PTPRT: variants seen among roughly 807,000 people sequenced by gnomAD.
PTPRT encodes receptor-type tyrosine-protein phosphatase T.
A neutral mutation model predicts 176.8 loss-of-function variants in PTPRT; 56 were observed. The ratio of observed to expected loss-of-function variants is 0.32; its 90% CI spans 0.26 to 0.40. PTPRT has a LOEUF of 0.40. PTPRT is among the 10% of genes least tolerant of loss of function. PTPRT has a pLI of 1.00. For missense variants in PTPRT, 1,540 were observed against 1,908.2 expected, an observed-to-expected ratio of 0.81 and a Z score of 3.60; for synonymous variants, 783 against 739.0, an observed-to-expected ratio of 1.06 and a Z score of -0.96.
intron 6 of PTPRT, among the ~76,000 whole-genome samples, chr20:42,691,168 A>T (rs990158852): frequency 2.6e-5 from 4 of 152,218 alleles, no homozygotes; most frequent in African/African-American, 9.6e-5. Flanking sequence ...CAGGACAGGC[A>T]ACTCACTTTC....
intron 1 of PTPRT, among the ~76,000 whole-genome samples, chr20:42,981,721 G>A (rs1983288378): frequency 6.6e-6 from 1 of 152,148 alleles, no homozygotes; most frequent in Non-Finnish European, 1.5e-5. Flanking sequence ...ACCACCTACT[G>A]GACACGCATG....
chr20:42,069,191 G>T (rs752164772), downstream of PTPRT, among the ~76,000 whole-genome samples: 1 of 152,146 alleles, frequency 6.6e-6, no homozygotes, highest in Non-Finnish European at 1.5e-5. Flanking sequence ...CCTTCATTTT[G>T]GTCCTTCAGT....
At chr20:42,354,839 T>A (rs534083359) in intron 9 of PTPRT, among the ~76,000 whole-genome samples, 2 of 152,182 alleles carry the variant, frequency 1.3e-5, no homozygotes, top group East Asian at 3.9e-4. Context: ...TAAACAGTAG[T>A]GGTGCCGCAT....
At chr20:42,639,888 A>T (rs2074699011) in intron 7 of PTPRT, among the ~76,000 whole-genome samples, 1 of 152,038 alleles carries the variant, frequency 6.6e-6, no homozygotes, top group African/African-American at 2.4e-5. Flanking sequence ...GTCCGTCAGC[A>T]TTTCAAATTG....
chr20:43,042,287 C>T (rs1304120363), intron 1 of PTPRT, among the ~76,000 whole-genome samples: 1 of 152,178 alleles, frequency 6.6e-6, no homozygotes, highest in African/African-American at 2.4e-5. Flanking sequence ...AATGCAGAGG[C>T]TCTGCAAAGC....
chr20:42,602,871 C>A (rs1300530898), intron 7 of PTPRT, among the ~76,000 whole-genome samples: 1 of 152,106 alleles, frequency 6.6e-6, no homozygotes, highest in African/African-American at 2.4e-5. Flanking sequence ...ATCTTAACTT[C>A]CTCATTTGTA....
chr20:42,649,694 T>C (rs1356704268), intron 7 of PTPRT, among the ~76,000 whole-genome samples: 1 of 152,204 alleles, frequency 6.6e-6, no homozygotes, highest in Non-Finnish European at 1.5e-5. Context: ...GCCCCTAAGT[T>C]ATGCTTGATT....
intron 9 of PTPRT, among the ~76,000 whole-genome samples, chr20:42,442,288 A>T (rs986383898): frequency 4.6e-5 from 7 of 151,998 alleles, no homozygotes; most frequent in Admixed American, 1.3e-4. Context: ...TGGCTTGTTG[A>T]TTCCTGGGGC....
At chr20:42,245,828 C>T (rs6030085) in intron 14 of PTPRT, among the ~76,000 whole-genome samples, 90,055 of 151,750 alleles carry the variant, frequency 0.59, 27,219 homozygotes, top group African/African-American at 0.67. Flanking sequence ...TTTGAGTCAG[C>T]TGAATCTATT....
In PTPRT at chr20:42,248,841, G is replaced by A. The variant is rs1189157704; in HGVS notation, c.2177-19C>T. The A allele has an allele frequency of 1.9e-6, 3 of 1,611,136 alleles. No homozygotes were observed. Among genetic ancestry groups the A allele is most frequent in the Admixed American group, 3.3e-5 (2 of 59,984 alleles). ...GAGGCACCTAGGAAGGGAAAGGGAA[G>A]GATAGCAATGTTGAAAGCACCCAAA... On this transcript the variant is annotated intron_variant, in intron 13 of 30. Coordinates refer to ENST00000373187, the MANE Select transcript of PTPRT (RefSeq NM_007050.6).
rs959734785 is a variant in PTPRT at position 42,510,966 on chromosome 20, C to T, written c.1154-38404G>A. Among the ~76,000 whole-genome samples, 7 of 152,094 alleles carry T rather than the reference C, an allele frequency of 4.6e-5. No homozygotes were observed. In the South Asian group the frequency reaches 1.0e-3, roughly 23 times the overall value. ...CCTTTAAGAAGTGAATGAATCATGA[C>T]GGCTCTGCCCTGATGAATAGATTAA... is the stretch of plus-strand genomic sequence containing the variant. On this transcript the variant is annotated intron_variant, in intron 7 of 30. Coordinates refer to ENST00000373187, the MANE Select transcript of PTPRT (RefSeq NM_007050.6).
intron 14 of PTPRT, among the ~76,000 whole-genome samples, chr20:42,248,371 T>C (rs1418986647): frequency 6.6e-6 from 1 of 152,160 alleles, no homozygotes; most frequent in African/African-American, 2.4e-5. Flanking sequence ...ACATGATTGA[T>C]AACAACACAG....
At chr20:42,766,278 A>G (rs1374664670) in intron 5 of PTPRT, among the ~76,000 whole-genome samples, 1 of 152,198 alleles carries the variant, frequency 6.6e-6, no homozygotes, top group Admixed American at 6.5e-5. Context: ...GGAATAAGCA[A>G]GTTATGACTG....
intron 16 of PTPRT, 139 bp downstream of exon 16, chr20:42,199,101 C>A (rs1414371163): frequency 2.0e-6 from 2 of 984,928 alleles, no homozygotes; most frequent in Non-Finnish European, 2.9e-6. Context: ...TCAGGGAGAA[C>A]CTTCATCCCA....
At chr20:42,134,945 T>G (rs755366081) in intron 18 of PTPRT, among the ~76,000 whole-genome samples, 7 of 152,218 alleles carry the variant, frequency 4.6e-5, no homozygotes, top group Non-Finnish European at 7.3e-5. Flanking sequence ...GTTGCTCAAA[T>G]GCACTGTGTT....
chr20:42,520,841 G>GTATATAGA lies in PTPRT; in HGVS notation c.1154-48280_1154-48279insTCTATATA, dbSNP rs142205748. On this transcript the variant is annotated intron_variant, in intron 7 of 30. Transcript: ENST00000373187. ...TATATATGTATGTATGGGTGTGTGT[G>GTATATAGA]TAGATAGATAGATAGATAGATAGAT... Among the ~76,000 whole-genome samples the GTATATAGA allele has an allele frequency of 1.8e-3, 256 of 143,914 alleles. 1 individual carries two copies. Among genetic ancestry groups the GTATATAGA allele is most frequent in the African/African-American group, 6.4e-3 (247 of 38,428 alleles). 94.4% of individuals were successfully genotyped at this position (143,914 alleles called of 152,430 possible).
At chr20:42,350,230 T>TGTTG (rs1568799527) in intron 11 of PTPRT, among the ~76,000 whole-genome samples, 1 of 78,612 alleles carries the variant, frequency 1.3e-5, no homozygotes, top group Non-Finnish European at 2.7e-5. Flanking sequence ...TTTTTTTTTT[T>TGTTG]TTTTTTTTTT....
intron 14 of PTPRT, among the ~76,000 whole-genome samples, chr20:42,238,641 G>C (rs1333977578): frequency 6.6e-6 from 1 of 152,228 alleles, no homozygotes; most frequent in Non-Finnish European, 1.5e-5. Context: ...ACACTGAGCT[G>C]AGAATCAAGA....
chr20:42,341,224 C>T (rs1461174079), intron 11 of PTPRT, among the ~76,000 whole-genome samples: 1 of 152,164 alleles, frequency 6.6e-6, no homozygotes, highest in East Asian at 1.9e-4. Flanking sequence ...TCCAGGTTGC[C>T]TGGCCCTCAA....
Sources: gnomAD v4.1 joint callset for allele counts (sites outside exome capture counted in the v4.1 genomes callset) on GRCh38, gnomAD v4.1.1 for gene constraint, MANE v1.5 for transcripts, NCBI Gene and HGNC (gene_info 2026-07-23, HGNC 2026-07-21) for gene names.